The following NELL1 variants were observed in gnomAD, a reference collection of about 807,000 sequenced individuals.
NELL1 encodes protein kinase C-binding protein NELL1.
A neutral mutation model predicts 107.4 loss-of-function variants in NELL1; 76 were observed. That is an observed-to-expected ratio of 0.71 (90% CI 0.59 to 0.86). The LOEUF (loss-of-function observed/expected upper bound fraction) is 0.86, where lower values mean the gene tolerates loss of function less well. NELL1 is among the 40% of genes least tolerant of loss of function. The pLI is 0.00. For synonymous variants in NELL1, 353 were observed against 341.2 expected (o/e 1.03, Z -0.38); for missense variants, 1,024 against 1,005.5 (o/e 1.02, Z -0.25).
chr11:20,686,206 G>A (rs1715260), intron 2 of NELL1, among the ~76,000 whole-genome samples: 129,414 of 152,066 alleles, frequency 0.85, 55,481 homozygotes, highest in Non-Finnish European at 0.88. Flanking sequence ...GTGCTAGCCT[G>A]TTAATAATAT....
At chr11:21,306,955 T>G (rs1849618292) in intron 14 of NELL1, among the ~76,000 whole-genome samples, 1 of 152,056 alleles carries the variant, frequency 6.6e-6, no homozygotes, top group African/African-American at 2.4e-5. Flanking sequence ...CTCATGCCAT[T>G]AATTGGAATT....
chr11:21,378,265 G>GTGTA (rs1332016759), intron 15 of NELL1, among the ~76,000 whole-genome samples: 1 of 143,772 alleles, frequency 7.0e-6, no homozygotes, highest in Non-Finnish European at 1.5e-5. Flanking sequence ...GCATATATAT[G>GTGTA]TATATATATA....
chr11:21,186,813 C>G (rs533439822), intron 13 of NELL1, among the ~76,000 whole-genome samples: 3 of 151,720 alleles, frequency 2.0e-5, no homozygotes, highest in Non-Finnish European at 4.4e-5. Context: ...TTGTTTGATA[C>G]CATGTAGGAG....
rs777090599 is a variant in NELL1 at position 21,229,441 on chromosome 11, G to A, written c.1536G>A (p.Gly512=). The A allele has an allele frequency of 1.1e-5, 17 of 1,613,844 alleles. No individual in the cohort carries two copies. Among genetic ancestry groups the A allele is most frequent in the Non-Finnish European group, 1.3e-5 (15 of 1,179,858 alleles). Residue 512 remains glycine (G), a synonymous_variant, in exon 14 of 20, where the codon GGG becomes GGA. Coordinates refer to ENST00000357134, the MANE Select transcript of NELL1 (RefSeq NM_006157.5). ...GCAAACCGGGCTACGTGGGGAACGGGACCATCTGCAGAGGTAGGCTTGCCG... is the reference window on the plus strand; with the variant it reads ...GCAAACCGGGCTACGTGGGGAACGGAACCATCTGCAGAGGTAGGCTTGCCG... ...CTCKPGYVGN[G]TICRAFCEEG...
chr11:21,316,341 T>TTTTTCTCCCA (rs1341859636), intron 14 of NELL1, among the ~76,000 whole-genome samples: 3 of 152,196 alleles, frequency 2.0e-5, no homozygotes, highest in Admixed American at 2.0e-4. Context: ...AAAAAGTTAA[T>TTTTTCTCCCA]TTTTCTCCCA....
chr11:21,131,260 G>A (rs146737851), intron 13 of NELL1, among the ~76,000 whole-genome samples: 75 of 152,170 alleles, frequency 4.9e-4, no homozygotes, highest in Non-Finnish European at 9.6e-4. Flanking sequence ...GTAGACTCTG[G>A]ATATAGTTGT....
At chr11:21,530,461 G>A (rs1463203114) in intron 15 of NELL1, among the ~76,000 whole-genome samples, 1 of 152,046 alleles carries the variant, frequency 6.6e-6, no homozygotes, top group African/African-American at 2.4e-5. Flanking sequence ...AAGGATTAAA[G>A]GTATTGCTTA....
intron 7 of NELL1, among the ~76,000 whole-genome samples, chr11:20,920,909 C>T (rs760322265): frequency 3.3e-5 from 5 of 152,128 alleles, no homozygotes; most frequent in Non-Finnish European, 7.4e-5. Context: ...ATCTTCTAAA[C>T]CTCCCTTTGG....
Position 21,229,445 on chromosome 11 carries a change from A to G in NELL1, c.1540A>G (p.Ile514Val), listed in dbSNP as rs762373123. Reference protein sequence around the residue: ...CKPGYVGNGTICRAFCEEGCR... With the variant: ...CKPGYVGNGTVCRAFCEEGCR... The stretch of plus-strand genomic sequence containing the variant: ...ACCGGGCTACGTGGGGAACGGGACC[A>G]TCTGCAGAGGTAGGCTTGCCGCCTT... The change falls in exon 14 of 20, where the codon ATC becomes GTC. Residue 514 changes from isoleucine (I) to valine (V), a missense_variant. Physicochemically the swap from Ile to Val is conservative, Grantham distance 29. Coordinates refer to ENST00000357134, the MANE Select transcript of NELL1 (RefSeq NM_006157.5). The G allele has an allele frequency of 6.2e-7, 1 of 1,613,800 alleles. No individual in the cohort carries two copies. The highest frequency in any genetic ancestry group is 1.7e-5 in the Admixed American group (1 of 60,022).
At chr11:20,750,713 A>C (rs1484762168) in intron 2 of NELL1, among the ~76,000 whole-genome samples, 1 of 151,960 alleles carries the variant, frequency 6.6e-6, no homozygotes, top group African/African-American at 2.4e-5. Flanking sequence ...CAACCTCCCC[A>C]GTAGCTAGGA....
chr11:21,450,898 A>C (rs932901037), intron 15 of NELL1, among the ~76,000 whole-genome samples: 8 of 152,084 alleles, frequency 5.3e-5, no homozygotes, highest in African/African-American at 1.9e-4. Flanking sequence ...TTAGAAAGAA[A>C]TGGAGGGGCA....
chr11:21,229,761 T>C (rs1857994478), intron 14 of NELL1, among the ~76,000 whole-genome samples: 1 of 152,230 alleles, frequency 6.6e-6, no homozygotes, highest in African/African-American at 2.4e-5. Flanking sequence ...TTGGCTTTTC[T>C]TTCCTGTGAG....
At position 21,425,375 on chromosome 11, in the gene NELL1, A is replaced by G. The variant is rs117721701; in HGVS notation, c.1645+54427A>G. On this transcript the variant is annotated intron_variant, in intron 15 of 19. Transcript: ENST00000357134. Reference sequence around the variant, plus strand: ...TAATGTTCTTCCCCAAATGTCCTCAAACCTGTGACTATATTACCTTCCTTA... The same window carrying G: ...TAATGTTCTTCCCCAAATGTCCTCAGACCTGTGACTATATTACCTTCCTTA... Among the ~76,000 whole-genome samples, 108 of 152,368 alleles carry G rather than the reference A, an allele frequency of 7.1e-4. 2 individuals carry two copies. The East Asian group carries it at 0.02, about 28-fold the overall frequency.
At chr11:20,807,251 G>A (rs1165319036) in intron 3 of NELL1, among the ~76,000 whole-genome samples, 1 of 152,186 alleles carries the variant, frequency 6.6e-6, no homozygotes, top group Non-Finnish European at 1.5e-5. Flanking sequence ...CACTGTAGCT[G>A]AATCTGCATT....
At chr11:20,938,148 C>A (rs956023144) in intron 10 of NELL1, among the ~76,000 whole-genome samples, 5 of 151,960 alleles carry the variant, frequency 3.3e-5, no homozygotes, top group African/African-American at 1.2e-4. Flanking sequence ...GGTGGGTGGC[C>A]CTGCGAAAGG....
intron 2 of NELL1, among the ~76,000 whole-genome samples, chr11:20,693,378 G>T (rs1322799234): frequency 6.6e-6 from 1 of 151,972 alleles, no homozygotes; most frequent in Non-Finnish European, 1.5e-5. Context: ...TTTCTTCCTA[G>T]TCTCGATGGT....
At chr11:21,430,375 C>T (rs772255544) in intron 15 of NELL1, among the ~76,000 whole-genome samples, 4 of 152,094 alleles carry the variant, frequency 2.6e-5, no homozygotes, top group Non-Finnish European at 4.4e-5. Flanking sequence ...GTAGCATCTT[C>T]TGAATAACAA....
intron 2 of NELL1, among the ~76,000 whole-genome samples, chr11:20,738,568 CTTTCT>C (rs1855815676): frequency 6.6e-6 from 1 of 152,142 alleles, no homozygotes; most frequent in African/African-American, 2.4e-5. Flanking sequence ...AAGACTTTTT[CTTTCT>C]TTTCTTCATT....
chr11:20,999,335 C>T (rs945730210), intron 12 of NELL1, among the ~76,000 whole-genome samples: 1 of 152,186 alleles, frequency 6.6e-6, no homozygotes, highest in Admixed American at 6.5e-5. Context: ...TCATCCTCAC[C>T]TCAGTCTGTC....
Sources: gnomAD v4.1 joint callset for allele counts (sites outside exome capture counted in the v4.1 genomes callset) on GRCh38, gnomAD v4.1.1 for gene constraint, MANE v1.5 for transcripts, NCBI Gene and HGNC (gene_info 2026-07-23, HGNC 2026-07-21) for gene names.